CNTNAP2: variants seen among roughly 807,000 people sequenced by gnomAD.
CNTNAP2 encodes the protein contactin associated protein 2, also known as contactin-associated protein-like 2.
In CNTNAP2, 98 loss-of-function variants were observed where a neutral mutation model predicts 155.2. That is an observed-to-expected ratio of 0.63 (90% confidence interval 0.54 to 0.75). CNTNAP2 has a LOEUF of 0.75. Ranked by LOEUF, CNTNAP2 falls within the 30% of genes least tolerant of loss-of-function variation. CNTNAP2 has a pLI of 0.00. For missense variants in CNTNAP2, 1,727 were observed against 1,688.1 expected (o/e 1.02, Z -0.40); for synonymous variants, 651 against 631.2 (o/e 1.03, Z -0.47).
chr7:146,505,458 C>T (rs1797369149), intron 1 of CNTNAP2, among the ~76,000 whole-genome samples: 1 of 152,238 alleles, frequency 6.6e-6, no homozygotes, highest in Non-Finnish European at 1.5e-5. Context: ...CTTTTCAGCA[C>T]CCCATGGTTC....
chr7:146,902,773 T>C (rs1405160237), intron 3 of CNTNAP2, among the ~76,000 whole-genome samples: 1 of 152,162 alleles, frequency 6.6e-6, no homozygotes, highest in East Asian at 1.9e-4. Flanking sequence ...TCCCCACCAA[T>C]AAAGTAGCTG....
chr7:147,869,418 A>C (rs115509468), intron 13 of CNTNAP2, among the ~76,000 whole-genome samples: 2,171 of 152,342 alleles, frequency 0.014, 53 homozygotes, highest in African/African-American at 0.049. Context: ...GAAATCTCCA[A>C]GTTGACAACA....
At chr7:147,415,889 T>G (rs1797185639) in intron 10 of CNTNAP2, among the ~76,000 whole-genome samples, 1 of 152,152 alleles carries the variant, frequency 6.6e-6, no homozygotes, top group South Asian at 2.1e-4. Context: ...ACCTAATAAG[T>G]GTGAGCCCTC....
intron 1 of CNTNAP2, among the ~76,000 whole-genome samples, chr7:146,324,225 A>G (rs549583893): frequency 1.3e-5 from 2 of 152,204 alleles, no homozygotes; most frequent in Non-Finnish European, 2.9e-5. Context: ...TGGAACGATT[A>G]CACTTCAGCC....
intron 4 of CNTNAP2, among the ~76,000 whole-genome samples, chr7:147,087,726 C>G (rs1275889145): frequency 6.6e-6 from 1 of 152,074 alleles, no homozygotes; most frequent in Non-Finnish European, 1.5e-5. Context: ...CCTGTAATCC[C>G]AGCACTTTGG....
At chr7:146,149,552 A>G (rs1349364193) in intron 1 of CNTNAP2, among the ~76,000 whole-genome samples, 1 of 152,082 alleles carries the variant, frequency 6.6e-6, no homozygotes, top group Non-Finnish European at 1.5e-5. Flanking sequence ...TGAGAGGATA[A>G]ACAAATAGAC....
intron 1 of CNTNAP2, among the ~76,000 whole-genome samples, chr7:146,640,983 G>C (rs1225011462): frequency 1.3e-5 from 2 of 152,114 alleles, no homozygotes; most frequent in Non-Finnish European, 2.9e-5. Flanking sequence ...ATAAGTAAAA[G>C]CCTAACAAGA....
intron 1 of CNTNAP2, among the ~76,000 whole-genome samples, chr7:146,661,791 C>G (rs570948160): frequency 2.4e-4 from 36 of 150,364 alleles, no homozygotes; most frequent in African/African-American, 8.8e-4. Flanking sequence ...TGTGTAGGCA[C>G]ATGTATTCAT....
intron 3 of CNTNAP2, among the ~76,000 whole-genome samples, chr7:146,984,193 C>A (rs1028585399): frequency 2.6e-5 from 4 of 151,952 alleles, no homozygotes; most frequent in Non-Finnish European, 2.9e-5. Flanking sequence ...CATGAAGAAA[C>A]CCCATCTCTA....
At chr7:146,532,066 GA>G (rs945834209) in intron 1 of CNTNAP2, among the ~76,000 whole-genome samples, 5 of 151,330 alleles carry the variant, frequency 3.3e-5, no homozygotes, top group Admixed American at 2.0e-4. Context: ...TGGAACTAGG[GA>G]AAAATATTTT....
intron 1 of CNTNAP2, among the ~76,000 whole-genome samples, chr7:146,695,108 T>C (rs1563192000): frequency 6.6e-6 from 1 of 152,158 alleles, no homozygotes; most frequent in Non-Finnish European, 1.5e-5. Flanking sequence ...GCTAGTACTT[T>C]CATGACAATG....
chr7:147,204,467 C>T (rs1426117622), intron 8 of CNTNAP2, among the ~76,000 whole-genome samples: 1 of 152,022 alleles, frequency 6.6e-6, no homozygotes, highest in Non-Finnish European at 1.5e-5. Flanking sequence ...ATAAACTTAT[C>T]TTAATAAGCA....
At chr7:146,582,322 A>C (rs774040960) in intron 1 of CNTNAP2, among the ~76,000 whole-genome samples, 1 of 152,154 alleles carries the variant, frequency 6.6e-6, no homozygotes, top group South Asian at 2.1e-4. Flanking sequence ...CACAAAAACA[A>C]CTGGTTGGGT....
At chr7:147,887,955 T>C (rs1799627969) in intron 13 of CNTNAP2, among the ~76,000 whole-genome samples, 1 of 152,170 alleles carries the variant, frequency 6.6e-6, no homozygotes, top group South Asian at 2.1e-4. Context: ...TGAAAATATA[T>C]TTTAAAGAGG....
At chr7:146,757,468 G>A (rs1202713357) in intron 1 of CNTNAP2, among the ~76,000 whole-genome samples, 1 of 152,006 alleles carries the variant, frequency 6.6e-6, no homozygotes, top group Non-Finnish European at 1.5e-5. Context: ...TGATAGTAAG[G>A]AATAAGCTCA....
chr7:147,822,945 A>T (rs1240174458), intron 13 of CNTNAP2, among the ~76,000 whole-genome samples: 1 of 152,180 alleles, frequency 6.6e-6, no homozygotes, highest in Admixed American at 6.5e-5. Context: ...TGGTACAGAA[A>T]ATATCATTTT....
intron 8 of CNTNAP2, among the ~76,000 whole-genome samples, chr7:147,200,454 G>A (rs1197157125): frequency 6.6e-6 from 1 of 152,110 alleles, no homozygotes; most frequent in African/African-American, 2.4e-5. Flanking sequence ...ATACAGCAGG[G>A]TGGATTTCAG....
intron 1 of CNTNAP2, among the ~76,000 whole-genome samples, chr7:146,173,524 T>C (rs1402989674): frequency 1.3e-5 from 2 of 152,138 alleles, no homozygotes; most frequent in Admixed American, 1.3e-4. Context: ...ATGCGTATTT[T>C]AGGGTATAAG....
At chr7:146,886,552 T>A (rs1795666876) in intron 3 of CNTNAP2, among the ~76,000 whole-genome samples, 1 of 140,112 alleles carries the variant, frequency 7.1e-6, no homozygotes, top group African/African-American at 2.5e-5. Flanking sequence ...GACTGTATGT[T>A]TTTTTCTGTT....
Sources: gnomAD v4.1 joint callset for allele counts (sites outside exome capture counted in the v4.1 genomes callset) on GRCh38, gnomAD v4.1.1 for gene constraint, MANE v1.5 for transcripts, NCBI Gene and HGNC (gene_info 2026-07-23, HGNC 2026-07-21) for gene names.